The following GALP variants were observed in gnomAD, a reference collection of about 807,000 sequenced individuals.
The protein encoded by GALP is galanin like peptide.
GALP carries 12 observed loss-of-function variants against 15.2 expected under a neutral mutation model. That is an observed-to-expected ratio of 0.79 (90% CI 0.51 to 1.28). GALP has a LOEUF of 1.28. Among genes scored for constraint, GALP ranks in the 50% most tolerant of loss-of-function variants. The probability of loss-of-function intolerance (pLI) is 0.00; values close to 1 mark genes in which losing one functional copy is unlikely to be tolerated. For missense variants in GALP, 161 were observed against 145.6 expected (o/e 1.11, Z -0.55); for synonymous variants, 58 against 55.1 (o/e 1.05, Z -0.23).
rs568267266 is a variant in GALP at position 56,182,077 on chromosome 19, C to T, written c.137-95C>T. On this transcript the variant is annotated intron_variant, in intron 3 of 5. Coordinates refer to ENST00000357330, the MANE Select transcript of GALP (RefSeq NM_033106.4). ...TCCGACAGACTTGGTGGAGGCGCTG[C>T]GTCCGGTGAGCCATGCTGTTGAATT... The T allele has an allele frequency of 1.5e-3, 1,273 of 866,526 alleles. 29 individuals are homozygous for T. In the South Asian group the frequency reaches 0.017, roughly 12 times the overall value. 53.7% of individuals were successfully genotyped at this position (866,526 alleles called of 1,614,324 possible).
chr19:56,185,064 G>T (rs1360285207), intron 5 of GALP, 151 bp from the exon 6 acceptor site: 6 of 560,768 alleles, frequency 1.1e-5, no homozygotes, highest in Non-Finnish European at 1.9e-5. Context: ...ACTTTGGGAG[G>T]CTGAGGTGGG....
chr19:56,182,438 T>C lies in GALP; in HGVS notation c.217+186T>C, dbSNP rs555084411. Among the ~76,000 whole-genome samples the C allele has an allele frequency of 1.4e-4, 21 of 152,292 alleles. No individual in the cohort carries two copies. In the South Asian group the frequency reaches 4.4e-3, roughly 32 times the overall value. On this transcript the variant is annotated intron_variant, in intron 4 of 5. Transcript: ENST00000357330. ...CACCTGGAGCCCCAGCTTGCTTTAA[T>C]GTTCTTTTGTTACCAACGTGAAATT...
chr19:56,184,098 G>C (rs372446669), intron 5 of GALP, among the ~76,000 whole-genome samples: 205 of 151,906 alleles, frequency 1.3e-3, no homozygotes, highest in African/African-American at 4.7e-3. Flanking sequence ...TGGGATTACA[G>C]GCGCCCGCCA....
intron 5 of GALP, 95 bp downstream of exon 5, chr19:56,183,307 A>G: frequency 9.6e-7 from 1 of 1,039,418 alleles, no homozygotes; most frequent in Non-Finnish European, 1.5e-6. Context: ...GAAAGGAAGG[A>G]AACTGGAACC....
intron 2 of GALP, among the ~76,000 whole-genome samples, chr19:56,179,234 T>A (rs1027320451): frequency 6.6e-6 from 1 of 151,352 alleles, no homozygotes; most frequent in Non-Finnish European, 1.5e-5. Context: ...TGGGTTTGAG[T>A]CCCAGCTGTT....
chr19:56,180,238 C>A (rs1343652387), intron 2 of GALP, among the ~76,000 whole-genome samples: 1 of 152,148 alleles, frequency 6.6e-6, no homozygotes, highest in African/African-American at 2.4e-5. Context: ...TGTGCAACAC[C>A]GTATTGCTGG....
chr19:56,181,113 A>G (rs1200050369), intron 3 of GALP, among the ~76,000 whole-genome samples: 1 of 151,062 alleles, frequency 6.6e-6, no homozygotes, highest in Non-Finnish European at 1.5e-5. Context: ...TTTTTAGTAG[A>G]GATGGGGTTT....
chr19:56,180,341 C>T (rs1407154122), intron 2 of GALP, among the ~76,000 whole-genome samples: 2 of 152,348 alleles, frequency 1.3e-5, no homozygotes, highest in South Asian at 2.1e-4. Context: ...CCCATTTCTC[C>T]TTCCCCCCAG....
intron 3 of GALP, among the ~76,000 whole-genome samples, chr19:56,180,970 T>C (rs2032557905): frequency 7.3e-6 from 1 of 137,018 alleles, no homozygotes; most frequent in South Asian, 2.3e-4. Context: ...CAGGCTGGAG[T>C]GCAATGGTGA....
intron 2 of GALP, among the ~76,000 whole-genome samples, chr19:56,178,492 A>G (rs1216606764): frequency 6.8e-6 from 1 of 147,608 alleles, no homozygotes; most frequent in African/African-American, 2.6e-5. Context: ...AAAAGAAAAG[A>G]AAAAGAAAAG....
intron 3 of GALP, 65 bp from the exon 4 acceptor site, chr19:56,182,107 G>A (rs2032576346): frequency 8.7e-7 from 1 of 1,146,538 alleles, no homozygotes; most frequent in South Asian, 1.2e-5. Context: ...TGAATTGATG[G>A]ACGATGTGTT....
At chr19:56,176,409 C>T (rs1260285332) in intron 1 of GALP, among the ~76,000 whole-genome samples, 1 of 80,964 alleles carries the variant, frequency 1.2e-5, no homozygotes, top group Non-Finnish European at 2.2e-5. Flanking sequence ...CCAGCTGCAC[C>T]GGGGTGAGAG....
chr19:56,180,649 G>A lies in GALP; in HGVS notation c.136+15G>A, dbSNP rs369383389. 5.6e-5 allele frequency: 90 copies of A among 1,609,628 alleles called. No homozygotes were observed. The highest frequency in any genetic ancestry group is 6.7e-5 in the Non-Finnish European group (79 of 1,176,182). On this transcript the variant is annotated intron_variant, in intron 3 of 5. Coordinates refer to ENST00000357330, the MANE Select transcript of GALP (RefSeq NM_033106.4). ...TCTGGGTCCCGGTGAGTGAGGCTGCGCTCAGCTCTCCATCCCTGGCCCGAG... is the reference window on the plus strand; with the variant it reads ...TCTGGGTCCCGGTGAGTGAGGCTGCACTCAGCTCTCCATCCCTGGCCCGAG...
intron 5 of GALP, among the ~76,000 whole-genome samples, chr19:56,183,740 G>A (rs912688723): frequency 6.6e-5 from 10 of 152,100 alleles, no homozygotes; most frequent in African/African-American, 1.9e-4. Flanking sequence ...TGGGATTACA[G>A]GCACGCGCCA....
chr19:56,184,341 C>G (rs1040107054), intron 5 of GALP, among the ~76,000 whole-genome samples: 9 of 152,152 alleles, frequency 5.9e-5, no homozygotes, highest in African/African-American at 2.2e-4. Context: ...ATTAAACTAT[C>G]CAAACACAGC....
intron 4 of GALP, 119 bp from the exon 5 acceptor site, chr19:56,183,016 T>C (rs2032593027): frequency 1.4e-6 from 1 of 690,332 alleles, no homozygotes; most frequent in South Asian, 1.7e-5. Flanking sequence ...CTCCCCCTGC[T>C]CCACCCTCGG....
At chr19:56,182,379 C>A (rs2032582345) in intron 4 of GALP, 127 bp downstream of exon 4, 2 of 640,638 alleles carry the variant, frequency 3.1e-6, no homozygotes, top group Non-Finnish European at 5.5e-6. Context: ...GGGCCCTGGG[C>A]AAGTGATGCG....
rs373252879 is a variant in GALP, at chr19:56,180,651, T to C, written c.136+17T>C. Reference sequence around the variant, plus strand: ...TGGGTCCCGGTGAGTGAGGCTGCGCTCAGCTCTCCATCCCTGGCCCGAGTC... The same window carrying C: ...TGGGTCCCGGTGAGTGAGGCTGCGCCCAGCTCTCCATCCCTGGCCCGAGTC... On this transcript the variant is annotated intron_variant, in intron 3 of 5. Transcript: ENST00000357330. 23 of 1,611,438 alleles carry C rather than the reference T, an allele frequency of 1.4e-5. No homozygotes were observed. In the African/African-American group the frequency reaches 2.8e-4, roughly 20 times the overall value.
At chr19:56,183,746 C>A (rs77910047) in intron 5 of GALP, among the ~76,000 whole-genome samples, 8 of 151,920 alleles carry the variant, frequency 5.3e-5, no homozygotes, top group African/African-American at 1.9e-4. Context: ...TACAGGCACG[C>A]GCCACCATGT....
Sources: gnomAD v4.1 joint callset for allele counts (sites outside exome capture counted in the v4.1 genomes callset) on GRCh38, gnomAD v4.1.1 for gene constraint, MANE v1.5 for transcripts, NCBI Gene and HGNC (gene_info 2026-07-23, HGNC 2026-07-21) for gene names.